The following BNC2 variants were observed in gnomAD, a reference collection of about 807,000 sequenced individuals.
The protein encoded by BNC2 is zinc finger protein basonuclin-2.
BNC2 carries 20 observed loss-of-function variants against 76.3 expected under a neutral mutation model. The observed-to-expected ratio is 0.26, with a 90% confidence interval of 0.18 to 0.38. BNC2 has a LOEUF of 0.38. BNC2 is among the 10% of genes least tolerant of loss of function. BNC2 has a pLI of 1.00. For missense variants in BNC2, 1,382 were observed against 1,399.8 expected (o/e 0.99, Z 0.20); for synonymous variants, 582 against 514.8 (o/e 1.13, Z -1.77).
chr9:16,444,614 G>A (rs1175376465), intron 5 of BNC2, among the ~76,000 whole-genome samples: 2 of 151,992 alleles, frequency 1.3e-5, no homozygotes, highest in African/African-American at 4.8e-5. Flanking sequence ...TCTAGCTAGG[G>A]GTCAGCAAAT....
chr9:16,626,094 G>A (rs1415532660), intron 3 of BNC2: 2 of 152,226 alleles, frequency 1.3e-5, no homozygotes, highest in Non-Finnish European at 2.9e-5. Context: ...GAAACCTTCA[G>A]AAATGCCAGT....
intron 5 of BNC2, among the ~76,000 whole-genome samples, chr9:16,456,492 C>T (rs1210128217): frequency 6.7e-6 from 1 of 149,060 alleles, no homozygotes; most frequent in East Asian, 2.0e-4. Context: ...GATCACACCA[C>T]TGCATTCCAG....
intron 3 of BNC2, chr9:16,626,194 G>A (rs993067533): frequency 7.9e-5 from 12 of 152,106 alleles, no homozygotes; most frequent in African/African-American, 2.9e-4. Flanking sequence ...TCAAAGATAA[G>A]ACCACAAAAG....
chr9:16,810,375 G>C (rs377406095), intron 1 of BNC2, among the ~76,000 whole-genome samples: 1 of 152,152 alleles, frequency 6.6e-6, no homozygotes, highest in Non-Finnish European at 1.5e-5. Flanking sequence ...CCAAGGAGTC[G>C]TGAAAAGACC....
chr9:16,462,588 G>C (rs1384342319), intron 5 of BNC2, among the ~76,000 whole-genome samples: 2 of 152,326 alleles, frequency 1.3e-5, no homozygotes, highest in East Asian at 3.9e-4. Flanking sequence ...ATAATGGAAA[G>C]TGGCAAAGGC....
chr9:16,641,164 A>G (rs1821482140), intron 3 of BNC2, among the ~76,000 whole-genome samples: 1 of 152,222 alleles, frequency 6.6e-6, no homozygotes, highest in Non-Finnish European at 1.5e-5. Flanking sequence ...TTCTCAAAGA[A>G]AGACCACTGA....
At chr9:16,448,388 C>T (rs1821270253) in intron 5 of BNC2, among the ~76,000 whole-genome samples, 1 of 152,112 alleles carries the variant, frequency 6.6e-6, no homozygotes, top group African/African-American at 2.4e-5. Flanking sequence ...AGGGCCAAAA[C>T]TTGAACAATT....
At chr9:16,618,173 ACTG>A (rs1820764847) in intron 3 of BNC2, among the ~76,000 whole-genome samples, 1 of 152,138 alleles carries the variant, frequency 6.6e-6, no homozygotes, top group African/African-American at 2.4e-5. Flanking sequence ...TGCCTTGGGG[ACTG>A]GTTGGCTACA....
chr9:16,552,557 C>T lies in BNC2; in HGVS notation c.642G>A (p.Arg214=), dbSNP rs775719465. ...GAAGGATGTATCCTCGGACATAGTC[C>T]CGCAGAGTCCAGCCAAGGCCGTGCA... is the stretch of plus-strand genomic sequence containing the variant. The part of the protein sequence containing the change: ...HILHGLGWTL[R]DYVRGYILQD... Residue 214 remains arginine (R), a synonymous_variant, in exon 5 of 7, where the codon CGG becomes CGA. Coordinates refer to ENST00000380672, the MANE Select transcript of BNC2 (RefSeq NM_017637.6). 6.2e-7 allele frequency: 1 copy of T among 1,614,228 alleles called. No homozygotes were observed. Among genetic ancestry groups the T allele is most frequent in the Admixed American group, 1.7e-5 (1 of 60,028 alleles).
At chr9:16,527,829 A>G (rs1817858050) in intron 5 of BNC2, among the ~76,000 whole-genome samples, 1 of 152,234 alleles carries the variant, frequency 6.6e-6, no homozygotes, top group Non-Finnish European at 1.5e-5. Flanking sequence ...AATGCAACGC[A>G]TCGCTACAAA....
chr9:16,615,810 A>G (rs1210470392), intron 3 of BNC2, among the ~76,000 whole-genome samples: 2 of 152,236 alleles, frequency 1.3e-5, no homozygotes, highest in East Asian at 3.8e-4. Flanking sequence ...TTCTTCCTCT[A>G]TAATGTAAAT....
chr9:16,590,697 C>G (rs982839024), intron 3 of BNC2, among the ~76,000 whole-genome samples: 1 of 151,958 alleles, frequency 6.6e-6, no homozygotes, highest in Non-Finnish European at 1.5e-5. Flanking sequence ...GTTCTAGCTA[C>G]GCGGGAGGCT....
At chr9:16,480,152 A>G (rs1822015565) in intron 5 of BNC2, among the ~76,000 whole-genome samples, 1 of 152,202 alleles carries the variant, frequency 6.6e-6, no homozygotes. Context: ...TAAAAATAAG[A>G]AACATGGGGC....
At chr9:16,794,936 T>C (rs1405621953) in intron 1 of BNC2, among the ~76,000 whole-genome samples, 3 of 152,136 alleles carry the variant, frequency 2.0e-5, no homozygotes, top group African/African-American at 4.8e-5. Context: ...TTCCTATATT[T>C]GGGCCTTTAG....
rs530133258 is a variant in BNC2 at position 16,479,592 on chromosome 9, C to T, written c.670-42068G>A. Among the ~76,000 whole-genome samples the T allele has an allele frequency of 1.7e-4, 26 of 152,292 alleles. 2 individuals carry two copies. In the South Asian group the frequency reaches 5.0e-3, roughly 29 times the overall value. On this transcript the variant is annotated intron_variant, in intron 5 of 6. Coordinates refer to ENST00000380672, the MANE Select transcript of BNC2 (RefSeq NM_017637.6). Reference sequence around the variant, plus strand: ...AAATTCTACAATTAACATTTTATTACATTTGCTTGTAAGAGTCTTTTTTAT... The same window carrying T: ...AAATTCTACAATTAACATTTTATTATATTTGCTTGTAAGAGTCTTTTTTAT...
At position 16,708,730 on chromosome 9, in the gene BNC2, A is replaced by C. The variant is rs557916167; in HGVS notation, c.330+19067T>G. Among the ~76,000 whole-genome samples the C allele has an allele frequency of 1.5e-3, 226 of 151,862 alleles. 2 individuals are homozygous for C. The highest frequency in any genetic ancestry group is 5.1e-3 in the African/African-American group (210 of 41,422). ...AGAAGGAGTCAGTAGGGAAAGGGAG[A>C]GAAAAAGAAAAGGAAGACCGAAGGA... On this transcript the variant is annotated intron_variant, in intron 3 of 6. Coordinates refer to ENST00000380672, the MANE Select transcript of BNC2 (RefSeq NM_017637.6).
chr9:16,551,366 C>A (rs1818657473), intron 5 of BNC2, among the ~76,000 whole-genome samples: 1 of 152,176 alleles, frequency 6.6e-6, no homozygotes, highest in Non-Finnish European at 1.5e-5. Flanking sequence ...AGGAAAATGA[C>A]AAGAATCTGT....
chr9:16,796,617 G>A (rs967487551), intron 1 of BNC2, among the ~76,000 whole-genome samples: 2 of 148,516 alleles, frequency 1.3e-5, no homozygotes, highest in Non-Finnish European at 3.0e-5. Flanking sequence ...GAAGGGAAAG[G>A]GAAAGGGAAG....
At chr9:16,845,976 C>G (rs1017440796) in intron 1 of BNC2, among the ~76,000 whole-genome samples, 1 of 151,680 alleles carries the variant, frequency 6.6e-6, no homozygotes, top group African/African-American at 2.4e-5. Context: ...GGTGAAACCC[C>G]GTCTCTACTA....
Sources: gnomAD v4.1 joint callset for allele counts (sites outside exome capture counted in the v4.1 genomes callset) on GRCh38, gnomAD v4.1.1 for gene constraint, MANE v1.5 for transcripts, NCBI Gene and HGNC (gene_info 2026-07-23, HGNC 2026-07-21) for gene names.